The following SGCZ variants were observed in gnomAD, a reference collection of about 807,000 sequenced individuals.
The protein encoded by SGCZ is zeta-sarcoglycan.
Under a neutral mutation model 41.3 loss-of-function variants are expected in SGCZ, and 40 were observed. The observed-to-expected ratio is 0.97, with a 90% CI of 0.75 to 1.26. The LOEUF (loss-of-function observed/expected upper bound fraction) is 1.26. SGCZ is among the 50% of genes most tolerant of loss of function. The probability of loss-of-function intolerance (pLI) is 0.00; values close to 1 mark genes in which losing one functional copy is unlikely to be tolerated. For synonymous variants in SGCZ, 206 were observed against 137.5 expected (o/e 1.50, Z -3.49); for missense variants, 552 against 369.8 (o/e 1.49, Z -4.04).
chr8:14,243,310 T>C (rs145554816), intron 3 of SGCZ, among the ~76,000 whole-genome samples: 2 of 152,318 alleles, frequency 1.3e-5, no homozygotes, highest in African/African-American at 2.4e-5. Flanking sequence ...CCTCAGTTCC[T>C]CTAATCTTCC....
intron 1 of SGCZ, among the ~76,000 whole-genome samples, chr8:14,872,296 A>G (rs570244417): frequency 7.2e-5 from 11 of 152,214 alleles, no homozygotes; most frequent in African/African-American, 2.6e-4. Context: ...CTGCACATAT[A>G]TCCCAGAACT....
intron 1 of SGCZ, among the ~76,000 whole-genome samples, chr8:15,186,084 A>C (rs1337311930): frequency 8.3e-6 from 1 of 120,708 alleles, no homozygotes; most frequent in Non-Finnish European, 1.8e-5. Context: ...TAAATAAATA[A>C]AAAATAAATA....
At chr8:15,123,727 C>T (rs926534791) in intron 1 of SGCZ, among the ~76,000 whole-genome samples, 4 of 152,204 alleles carry the variant, frequency 2.6e-5, no homozygotes, top group Admixed American at 6.5e-5. Context: ...TACCCTTATA[C>T]TTTCTCCCTA....
intron 2 of SGCZ, among the ~76,000 whole-genome samples, chr8:14,486,508 A>G (rs1406025416): frequency 6.6e-6 from 1 of 152,192 alleles, no homozygotes; most frequent in Non-Finnish European, 1.5e-5. Flanking sequence ...ATTTGTAAAC[A>G]CTATGCTACA....
intron 1 of SGCZ, among the ~76,000 whole-genome samples, chr8:15,117,786 C>T (rs762420656): frequency 6.6e-6 from 1 of 152,194 alleles, no homozygotes; most frequent in Non-Finnish European, 1.5e-5. Context: ...ACTATTTCAT[C>T]ACATTCATAA....
At chr8:14,235,505 A>C (rs1325226899) in intron 4 of SGCZ, among the ~76,000 whole-genome samples, 1 of 152,194 alleles carries the variant, frequency 6.6e-6, no homozygotes, top group African/African-American at 2.4e-5. Context: ...CATTAAAATC[A>C]GTTTGGAACG....
At chr8:14,319,934 TA>T (rs1801860173) in intron 3 of SGCZ, among the ~76,000 whole-genome samples, 1 of 152,056 alleles carries the variant, frequency 6.6e-6, no homozygotes, top group Non-Finnish European at 1.5e-5. Flanking sequence ...AGTTTTATTT[TA>T]AAAAGTTCTT....
At chr8:15,033,027 C>A (rs2130961909) in intron 1 of SGCZ, among the ~76,000 whole-genome samples, 1 of 152,238 alleles carries the variant, frequency 6.6e-6, no homozygotes, top group East Asian at 1.9e-4. Context: ...CCTGTGGACA[C>A]AAGCTCCAGG....
At chr8:14,607,462 G>C (rs1805788587) in intron 1 of SGCZ, among the ~76,000 whole-genome samples, 1 of 152,060 alleles carries the variant, frequency 6.6e-6, no homozygotes, top group Non-Finnish European at 1.5e-5. Flanking sequence ...CATATCCTGA[G>C]TTAAAATAAT....
At chr8:15,062,008 G>C (rs1804956493) in intron 1 of SGCZ, among the ~76,000 whole-genome samples, 1 of 152,144 alleles carries the variant, frequency 6.6e-6, no homozygotes. Flanking sequence ...ATCTATGAAA[G>C]AATTAGACCA....
chr8:14,827,451 G>A (rs1410803183), intron 1 of SGCZ, among the ~76,000 whole-genome samples: 1 of 151,976 alleles, frequency 6.6e-6, no homozygotes, highest in Non-Finnish European at 1.5e-5. Context: ...TGGCCAGGCT[G>A]TTCTCAAACT....
intron 1 of SGCZ, among the ~76,000 whole-genome samples, chr8:15,019,574 C>T (rs919044199): frequency 1.3e-5 from 2 of 151,914 alleles, no homozygotes; most frequent in East Asian, 1.9e-4. Context: ...GCTTTTCTTG[C>T]CTGCTTGGCT....
intron 1 of SGCZ, among the ~76,000 whole-genome samples, chr8:14,773,208 T>C (rs1253684785): frequency 6.6e-6 from 1 of 152,216 alleles, no homozygotes; most frequent in Admixed American, 6.5e-5. Flanking sequence ...ATGTGTCTTT[T>C]GGCTGCATAA....
chr8:14,836,250 A>G (rs1389759446), intron 1 of SGCZ, among the ~76,000 whole-genome samples: 6 of 152,190 alleles, frequency 3.9e-5, no homozygotes, highest in South Asian at 4.1e-4. Context: ...TGAACTCTAC[A>G]ATCTTGAGTG....
intron 2 of SGCZ, among the ~76,000 whole-genome samples, chr8:14,484,023 A>G (rs11986930): frequency 0.91 from 137,812 of 152,222 alleles, 63,747 homozygotes; most frequent in East Asian, 1. Context: ...CTTAATGACC[A>G]TAGAAGAACA....
chr8:14,741,938 C>G (rs1259305631), intron 1 of SGCZ, among the ~76,000 whole-genome samples: 1 of 151,960 alleles, frequency 6.6e-6, no homozygotes, highest in East Asian at 1.9e-4. Context: ...CTTAAGGTGG[C>G]AAAATTTAAA....
chr8:15,096,858 T>C (rs1419011614), intron 1 of SGCZ, among the ~76,000 whole-genome samples: 2 of 151,918 alleles, frequency 1.3e-5, no homozygotes, highest in Non-Finnish European at 2.9e-5. Context: ...GCTAATTTTT[T>C]TGTATTTTAG....
At chr8:15,015,365 C>T (rs909078252) in intron 1 of SGCZ, among the ~76,000 whole-genome samples, 4 of 152,098 alleles carry the variant, frequency 2.6e-5, no homozygotes. Context: ...CTGAAAAACA[C>T]TGTAAAATAA....
chr8:14,635,016 T>C (rs1458627334), intron 1 of SGCZ, among the ~76,000 whole-genome samples: 2 of 151,746 alleles, frequency 1.3e-5, no homozygotes. Flanking sequence ...CATAGGCTTT[T>C]TTTAGTAGTA....
Sources: gnomAD v4.1 joint callset for allele counts (sites outside exome capture counted in the v4.1 genomes callset) on GRCh38, gnomAD v4.1.1 for gene constraint, MANE v1.5 for transcripts, NCBI Gene and HGNC (gene_info 2026-07-23, HGNC 2026-07-21) for gene names.